Variants in PDCL2 observed in about 807,000 individuals in gnomAD.
The protein encoded by PDCL2 is phosducin-like protein 2.
In PDCL2, 23 loss-of-function variants were observed where a neutral mutation model predicts 30.3. The ratio of observed to expected loss-of-function variants is 0.76; its 90% CI spans 0.55 to 1.08. PDCL2 has a LOEUF of 1.08. Ranked by LOEUF, PDCL2 falls within the 50% of genes least tolerant of loss-of-function variation. The pLI, the probability that PDCL2 is intolerant of heterozygous loss-of-function variation, is 0.00. For synonymous variants in PDCL2, 68 were observed against 86.2 expected (o/e 0.79, Z 1.17); for missense variants, 243 against 282.3 (o/e 0.86, Z 1.00).
intron 3 of PDCL2, among the ~76,000 whole-genome samples, chr4:55,570,895 T>G (rs2110158436): frequency 6.6e-6 from 1 of 152,378 alleles, no homozygotes; most frequent in East Asian, 1.9e-4. Flanking sequence ...CATATTTTCT[T>G]ATTTTATGTA....
chr4:55,558,125 CAAA>C (rs34621105), intron 5 of PDCL2, among the ~76,000 whole-genome samples: 8 of 122,046 alleles, frequency 6.6e-5, no homozygotes, highest in Admixed American at 8.4e-5. Context: ...GACTCCGTCT[CAAA>C]AAAAAAAAAA....
Position 55,585,962 on chromosome 4 carries a change from A to G in PDCL2, c.7-3725T>C, listed in dbSNP as rs565816607. Among the ~76,000 whole-genome samples the G allele has an allele frequency of 1.0e-3, 153 of 152,016 alleles. 2 individuals are homozygous for G. The highest frequency in any genetic ancestry group is 3.5e-3 in the African/African-American group (145 of 41,482). ...ATAGCTAAGGTTTTGTTGATTTTAT[A>G]TTTTCAAAAAACCAAAGATTTTCTT... On this transcript the variant is annotated intron_variant, in intron 1 of 5. Transcript: ENST00000295645.
chr4:55,580,729 G>T, intron 3 of PDCL2, 92 bp downstream of exon 3: 1 of 931,310 alleles, frequency 1.1e-6, no homozygotes, highest in Non-Finnish European at 1.5e-6. Flanking sequence ...TTTGTTCTTT[G>T]TAAAATCTAT....
chr4:55,591,139 A>C, intron 1 of PDCL2, among the ~76,000 whole-genome samples: 1 of 152,212 alleles, frequency 6.6e-6, no homozygotes, highest in East Asian at 1.9e-4. Flanking sequence ...AATTATATGT[A>C]ACTGATGTTC....
At chr4:55,583,434 A>G (rs1360680298) in intron 1 of PDCL2, among the ~76,000 whole-genome samples, 1 of 151,928 alleles carries the variant, frequency 6.6e-6, no homozygotes, top group Admixed American at 6.6e-5. Context: ...AATCTTGTCT[A>G]TTTTTGCTTT....
chr4:55,591,618 C>CTG (rs1164164982), intron 1 of PDCL2, among the ~76,000 whole-genome samples: 1 of 152,136 alleles, frequency 6.6e-6, no homozygotes, highest in African/African-American at 2.4e-5. Context: ...ATCTCTTGAC[C>CTG]TGTGATCCGC....
chr4:55,567,713 C>T (rs550733023), intron 4 of PDCL2, among the ~76,000 whole-genome samples: 7 of 152,214 alleles, frequency 4.6e-5, no homozygotes, highest in Non-Finnish European at 8.8e-5. Flanking sequence ...TTCCTTAAGC[C>T]AAAGAGAATT....
chr4:55,572,723 A>T (rs1251734161), intron 3 of PDCL2, among the ~76,000 whole-genome samples: 1 of 152,180 alleles, frequency 6.6e-6, no homozygotes, highest in Non-Finnish European at 1.5e-5. Context: ...CAAATTCTAG[A>T]TTAGTACCAA....
intron 1 of PDCL2, 66 bp from the exon 2 acceptor site, chr4:55,582,303 C>A: frequency 6.9e-7 from 1 of 1,455,688 alleles, no homozygotes; most frequent in Non-Finnish European, 9.2e-7. Context: ...TTGGAAAATT[C>A]ATTAAGATGT....
At chr4:55,567,818 A>G (rs1227916058) in intron 4 of PDCL2, among the ~76,000 whole-genome samples, 1 of 152,094 alleles carries the variant, frequency 6.6e-6, no homozygotes. Context: ...ATCATATCCA[A>G]AGGTACTTGG....
intron 1 of PDCL2, among the ~76,000 whole-genome samples, chr4:55,585,659 A>G (rs1732842135): frequency 6.6e-6 from 1 of 152,190 alleles, no homozygotes; most frequent in South Asian, 2.1e-4. Context: ...TTTACTGGTG[A>G]AGGCATCAGG....
intron 4 of PDCL2, among the ~76,000 whole-genome samples, chr4:55,566,882 A>G (rs1403872375): frequency 2.0e-5 from 3 of 152,214 alleles, no homozygotes; most frequent in Non-Finnish European, 4.4e-5. Context: ...AAGCAGACTA[A>G]ATCACATTCA....
Position 55,569,792 on chromosome 4 carries a change from A to G in PDCL2, c.288T>C (p.Ser96=). 1.3e-6 allele frequency: 2 copies of G among 1,564,654 alleles called. No homozygotes were observed. Among genetic ancestry groups the G allele is most frequent in the Non-Finnish European group, 1.7e-6 (2 of 1,153,614 alleles). ...TGACTTCATTCACATACTGATTTCC[A>G]GAAATTTCTCTTAATTCTCCAAATT... ...KQKFGELREI[S]GNQYVNEVTN... Residue 96 remains serine, a synonymous_variant, in exon 4 of 6, where the codon TCT becomes TCC. Coordinates refer to ENST00000295645, the MANE Select transcript of PDCL2 (RefSeq NM_152401.3).
chr4:55,580,967 A>G, intron 2 of PDCL2, 56 bp from the exon 3 acceptor site: 1 of 1,313,608 alleles, frequency 7.6e-7, no homozygotes, highest in African/African-American at 2.1e-5. Context: ...TTTACTATAC[A>G]GTCAATGTCT....
chr4:55,580,761 G>C, intron 3 of PDCL2, 60 bp downstream of exon 3: 1 of 1,223,806 alleles, frequency 8.2e-7, no homozygotes, highest in Non-Finnish European at 1.1e-6. Context: ...AATCTCTTTA[G>C]TTTTATTCTT....
At chr4:55,585,553 C>T (rs1038717938) in intron 1 of PDCL2, among the ~76,000 whole-genome samples, 1 of 152,072 alleles carries the variant, frequency 6.6e-6, no homozygotes, top group Non-Finnish European at 1.5e-5. Context: ...GACACACACA[C>T]ACACACACAA....
At chr4:55,576,147 C>T (rs769314838) in intron 3 of PDCL2, among the ~76,000 whole-genome samples, 6 of 151,858 alleles carry the variant, frequency 4.0e-5, no homozygotes, top group South Asian at 2.1e-4. Context: ...GCTGGAGTGC[C>T]GTGGCGCGAT....
In PDCL2 at chr4:55,556,540, T is replaced by G. The variant is rs764518090; in HGVS notation, c.*17A>C. On this transcript the variant is annotated 3_prime_UTR_variant, in exon 6 of 6. Coordinates refer to ENST00000295645, the MANE Select transcript of PDCL2 (RefSeq NM_152401.3). Reference sequence around the variant, plus strand: ...TCAGTACACATATACTAAAAGCTATTTATTGAATATTTCTCTCTATTTGGT... The same window carrying G: ...TCAGTACACATATACTAAAAGCTATGTATTGAATATTTCTCTCTATTTGGT... 1.3e-6 allele frequency: 2 copies of G among 1,496,808 alleles called. No individual in the cohort carries two copies. Among genetic ancestry groups the G allele is most frequent in the African/African-American group, 2.8e-5 (2 of 71,662 alleles). The allele number at this position is 1,496,808 out of a possible 1,614,324, so 92.7% of individuals were successfully genotyped here.
intron 5 of PDCL2, among the ~76,000 whole-genome samples, chr4:55,561,431 T>A (rs6856004): frequency 2.6e-5 from 4 of 151,968 alleles, no homozygotes; most frequent in African/African-American, 9.7e-5. Context: ...GGTGTGGTGG[T>A]GGCCACCTGT....
Sources: gnomAD v4.1 joint callset for allele counts (sites outside exome capture counted in the v4.1 genomes callset) on GRCh38, gnomAD v4.1.1 for gene constraint, MANE v1.5 for transcripts, NCBI Gene and HGNC (gene_info 2026-07-23, HGNC 2026-07-21) for gene names.